The following HIPK2 variants were observed in gnomAD, a reference collection of about 807,000 sequenced individuals.
HIPK2 encodes the protein homeodomain interacting protein kinase 2, also known as homeodomain-interacting protein kinase 2.
HIPK2 carries 27 observed loss-of-function variants against 113.7 expected under a neutral mutation model. The ratio of observed to expected loss-of-function variants is 0.24; its 90% confidence interval spans 0.17 to 0.33. The LOEUF (loss-of-function observed/expected upper bound fraction) is 0.33. HIPK2 is among the 10% of genes least tolerant of loss of function. The probability of loss-of-function intolerance (pLI) is 1.00; values close to 1 mark genes in which losing one functional copy is unlikely to be tolerated. For missense variants in HIPK2, 1,257 were observed against 1,588.0 expected (o/e 0.79, Z 3.54); for synonymous variants, 631 against 642.2 (o/e 0.98, Z 0.26).
At chr7:139,718,381 C>G (rs1035734732) in intron 1 of HIPK2, among the ~76,000 whole-genome samples, 1 of 152,204 alleles carries the variant, frequency 6.6e-6, no homozygotes, top group African/African-American at 2.4e-5. Context: ...ATCCTTTCCA[C>G]TCCATCAACC....
intron 2 of HIPK2, among the ~76,000 whole-genome samples, chr7:139,662,434 C>T (rs149155315): frequency 1.3e-5 from 2 of 152,226 alleles, no homozygotes; most frequent in East Asian, 1.9e-4. Flanking sequence ...CACATGGGTA[C>T]CCTGTGGTCT....
intron 7 of HIPK2, among the ~76,000 whole-genome samples, chr7:139,618,378 A>G (rs12534409): frequency 0.093 from 14,072 of 152,088 alleles, 735 homozygotes; most frequent in Middle Eastern, 0.12. Context: ...GTAGAATCCA[A>G]TGCAAGAGAA....
At chr7:139,672,099 T>C (rs1390030883) in intron 2 of HIPK2, among the ~76,000 whole-genome samples, 1 of 152,124 alleles carries the variant, frequency 6.6e-6, no homozygotes, top group Non-Finnish European at 1.5e-5. Context: ...CATTGTTCAA[T>C]ATTTATCTAG....
intron 2 of HIPK2, among the ~76,000 whole-genome samples, chr7:139,700,985 A>AAAAATTT (rs1794690652): frequency 6.6e-6 from 1 of 152,258 alleles, no homozygotes; most frequent in African/African-American, 2.4e-5. Flanking sequence ...AACAGTTCGG[A>AAAAATTT]AAAATTTAAA....
intron 2 of HIPK2, among the ~76,000 whole-genome samples, chr7:139,700,948 C>G (rs1794689326): frequency 6.6e-6 from 1 of 152,228 alleles, no homozygotes; most frequent in Non-Finnish European, 1.5e-5. Flanking sequence ...CCTTTCTATA[C>G]AAACCTTGAC....
chr7:139,708,505 A>C (rs1225806123), intron 2 of HIPK2, among the ~76,000 whole-genome samples: 1 of 152,320 alleles, frequency 6.6e-6, no homozygotes, highest in East Asian at 1.9e-4. Flanking sequence ...GAGGGTCCTT[A>C]GATCCCACTT....
intron 2 of HIPK2, among the ~76,000 whole-genome samples, chr7:139,639,234 G>A (rs1800920532): frequency 6.6e-6 from 1 of 152,144 alleles, no homozygotes; most frequent in Admixed American, 6.5e-5. Context: ...AAGGCTCTGA[G>A]GTCCTAGAAG....
intron 1 of HIPK2, among the ~76,000 whole-genome samples, chr7:139,759,684 G>A (rs113206263): frequency 6.6e-6 from 1 of 152,152 alleles, no homozygotes; most frequent in Non-Finnish European, 1.5e-5. Context: ...ACAACAGACT[G>A]TATGTGTTAT....
chr7:139,566,661 TTA>T lies in HIPK2; in HGVS notation c.*6264_*6265del, dbSNP rs1491322815. ...CTCCCTTATCTATAAATGGGGGCTG[TTA>T]TCCCCCTCCCTGTGGGATGGCTGTT... On this transcript the variant is annotated 3_prime_UTR_variant, in exon 15 of 15. Coordinates refer to ENST00000406875, the MANE Select transcript of HIPK2 (RefSeq NM_022740.5). This position sits in a 1 kb window ranked among gnomAD's most constrained non-coding sequence, Gnocchi z 4.1. 4 of 152,226 alleles carry T rather than the reference TTA, an allele frequency of 2.6e-5. No homozygotes were observed. The East Asian group carries it at 7.7e-4, about 29-fold the overall frequency. 9.4% of individuals were successfully genotyped at this position (152,226 alleles called of 1,614,324 possible). A position where few individuals can be genotyped will look rare whatever the true frequency, so the allele number is the denominator to read the frequency against.
intron 1 of HIPK2, among the ~76,000 whole-genome samples, chr7:139,760,874 T>C (rs1796450772): frequency 6.6e-6 from 1 of 152,198 alleles, no homozygotes; most frequent in Non-Finnish European, 1.5e-5. Flanking sequence ...AAGTACAAGA[T>C]GAGCTTGGGG....
At chr7:139,757,452 G>T (rs1338493617) in intron 1 of HIPK2, among the ~76,000 whole-genome samples, 2 of 152,094 alleles carry the variant, frequency 1.3e-5, no homozygotes, top group African/African-American at 4.8e-5. Flanking sequence ...CCAGCCTCCT[G>T]CACTCATGAA....
In HIPK2 at chr7:139,683,336, G is replaced by A. The variant is rs927630554; in HGVS notation, c.1103+32596C>T. ...TACTTCATGGTTGCTCTAGGCCAGT[G>A]CTTCAGCAGCGGCCTAGCCGGGTCT... is the stretch of plus-strand genomic sequence containing the variant. On this transcript the variant is annotated intron_variant, in intron 2 of 14. Coordinates refer to ENST00000406875, the MANE Select transcript of HIPK2 (RefSeq NM_022740.5). This position sits in a 1 kb window ranked among gnomAD's most constrained non-coding sequence, Gnocchi z 4.2. Among the ~76,000 whole-genome samples the A allele has an allele frequency of 1.3e-5, 2 of 152,200 alleles. No individual in the cohort carries two copies. The highest frequency in any genetic ancestry group is 2.9e-5 in the Non-Finnish European group (2 of 68,030).
chr7:139,689,464 A>G (rs1416428591), intron 2 of HIPK2, among the ~76,000 whole-genome samples: 1 of 152,226 alleles, frequency 6.6e-6, no homozygotes, highest in Non-Finnish European at 1.5e-5. Context: ...ATTTCTTGTG[A>G]AACAGCCCAG....
In HIPK2 at chr7:139,575,381, G is replaced by A. The variant is rs1798456066; in HGVS notation, c.2966-93C>T. 8.6e-6 allele frequency: 12 copies of A among 1,398,858 alleles called. 1 individual carries two copies. The South Asian group carries it at 1.4e-4, about 17-fold the overall frequency. The allele number at this position is 1,398,858 out of a possible 1,614,324, so 86.7% of individuals were successfully genotyped here. A position where few individuals can be genotyped will look rare whatever the true frequency, so the allele number is the denominator to read the frequency against. ...CCAGAGAACAGTGGTCTTCCAGGAA[G>A]AAACATGTGCCTGAGGCCGGGCAGT... On this transcript the variant is annotated intron_variant, in intron 13 of 14. Transcript: ENST00000406875.
chr7:139,610,117 C>T (rs946163391), intron 9 of HIPK2, among the ~76,000 whole-genome samples: 2 of 152,224 alleles, frequency 1.3e-5, no homozygotes, highest in South Asian at 2.1e-4. Context: ...AAAGTTCTCC[C>T]CTGCTACGAT....
chr7:139,670,755 CTTTCTT>C (rs1802249766), intron 2 of HIPK2, among the ~76,000 whole-genome samples: 2 of 37,032 alleles, frequency 5.4e-5, no homozygotes, highest in South Asian at 1.1e-3. Flanking sequence ...TTCTTTCTTT[CTTTCTT>C]TTTTTTTTTT....
intron 1 of HIPK2, among the ~76,000 whole-genome samples, chr7:139,759,294 G>C (rs1420431954): frequency 6.6e-6 from 1 of 152,166 alleles, no homozygotes; most frequent in South Asian, 2.1e-4. Flanking sequence ...GATTCCATGG[G>C]TGATGTTCTA....
Position 139,593,314 on chromosome 7 carries a change from G to A in HIPK2, c.2717+3403C>T, listed in dbSNP as rs193248452. Among the ~76,000 whole-genome samples the A allele has an allele frequency of 1.2e-3, 181 of 152,294 alleles. 1 individual carries two copies. The highest frequency in any genetic ancestry group is 3.4e-3 in the Middle Eastern group (1 of 294). ...AGCCTTGCATGCCCCATCAAATGAT[G>A]GAGGAGCTAGTGCGGGTGGAACACC... On this transcript the variant is annotated intron_variant, in intron 12 of 14. Coordinates refer to ENST00000406875, the MANE Select transcript of HIPK2 (RefSeq NM_022740.5).
intron 2 of HIPK2, among the ~76,000 whole-genome samples, chr7:139,679,861 G>GT (rs897342716): frequency 4.6e-5 from 7 of 152,018 alleles, no homozygotes; most frequent in Middle Eastern, 3.4e-3. Context: ...AAAGGCATTT[G>GT]TTTTTTAACC....
Sources: allele counts gnomAD v4.1 joint callset (sites outside exome capture counted in the v4.1 genomes callset), GRCh38; gene constraint gnomAD v4.1.1; non-coding constraint Gnocchi (gnomAD v3.1); transcripts MANE v1.5; gene names NCBI Gene and HGNC (gene_info 2026-07-23, HGNC 2026-07-21).